Variants in GPC6 observed in about 807,000 individuals in gnomAD.
GPC6 encodes glypican 6.
Under a neutral mutation model 55.2 loss-of-function variants are expected in GPC6, and 14 were observed. The observed-to-expected ratio is 0.25, with a 90% CI of 0.17 to 0.40. GPC6 has a LOEUF of 0.40. GPC6 is among the 10% of genes least tolerant of loss of function. The probability of loss-of-function intolerance (pLI) is 1.00; values close to 1 mark genes in which losing one functional copy is unlikely to be tolerated. For synonymous variants in GPC6, 278 were observed against 259.6 expected (o/e 1.07, Z -0.68); for missense variants, 641 against 708.5 (o/e 0.90, Z 1.08).
chr13:94,029,291 G>A lies in GPC6; in HGVS notation c.877+1397G>A, dbSNP rs151263872. Among the ~76,000 whole-genome samples the A allele has an allele frequency of 1.9e-3, 292 of 152,246 alleles. 1 individual carries two copies. The highest frequency in any genetic ancestry group is 6.2e-3 in the African/African-American group (256 of 41,548). ...CCGTTACCTCTCCCCACAGTGGGAG[G>A]ACAAAATCTCTTTGTATGATCATGA... On this transcript the variant is annotated intron_variant, in intron 4 of 8. Coordinates refer to ENST00000377047, the MANE Select transcript of GPC6 (RefSeq NM_005708.5).
chr13:93,220,660 C>T, the GPC6 span, among the ~76,000 whole-genome samples: 160 of 152,318 alleles, frequency 1.1e-3, 1 homozygote, highest in Non-Finnish European at 1.9e-3. Context: ...CTATGCAATA[C>T]ACTTTCCTAA....
At chr13:93,969,865 C>G (rs971461634) in intron 3 of GPC6, among the ~76,000 whole-genome samples, 3 of 152,048 alleles carry the variant, frequency 2.0e-5, no homozygotes, top group Non-Finnish European at 4.4e-5. Context: ...AACATAATGG[C>G]CTCCAGTTCC....
At chr13:93,595,057 T>C (rs1877665234) in intron 2 of GPC6, among the ~76,000 whole-genome samples, 1 of 152,272 alleles carries the variant, frequency 6.6e-6, no homozygotes, top group East Asian at 1.9e-4. Flanking sequence ...ATATATTGCA[T>C]AGTTTTGACA....
chr13:94,000,828 A>T (rs1881764037), intron 3 of GPC6, among the ~76,000 whole-genome samples: 1 of 152,004 alleles, frequency 6.6e-6, no homozygotes, highest in Non-Finnish European at 1.5e-5. Flanking sequence ...CTGGTGTGGG[A>T]CTCTATAGCT....
chr13:93,329,239 A>C (rs913130305), intron 1 of GPC6, among the ~76,000 whole-genome samples: 1 of 152,108 alleles, frequency 6.6e-6, no homozygotes, highest in Non-Finnish European at 1.5e-5. Flanking sequence ...CCACAGATAA[A>C]ATTTTCTTTC....
intron 4 of GPC6, among the ~76,000 whole-genome samples, chr13:94,066,352 A>T (rs541951967): frequency 5.9e-5 from 9 of 152,290 alleles, no homozygotes; most frequent in Admixed American, 3.3e-4. Context: ...AGTAATTTTC[A>T]TGATTGTTCT....
chr13:93,579,841 C>A (rs938460847), intron 2 of GPC6, among the ~76,000 whole-genome samples: 1 of 152,054 alleles, frequency 6.6e-6, no homozygotes, highest in Admixed American at 6.6e-5. Context: ...AATGATGGAG[C>A]CCCTCACTGT....
At chr13:93,398,322 G>A (rs538391834) in intron 1 of GPC6, among the ~76,000 whole-genome samples, 25 of 152,312 alleles carry the variant, frequency 1.6e-4, no homozygotes, top group African/African-American at 5.8e-4. Flanking sequence ...ATCTGGTCTG[G>A]GATGGAGTGC....
intron 1 of GPC6, among the ~76,000 whole-genome samples, chr13:93,459,075 T>C (rs1198967346): frequency 6.6e-6 from 1 of 152,202 alleles, no homozygotes; most frequent in Non-Finnish European, 1.5e-5. Flanking sequence ...ATTATTATTT[T>C]TGAGACAGGG....
intron 4 of GPC6, among the ~76,000 whole-genome samples, chr13:94,189,336 C>A (rs1889307585): frequency 6.6e-6 from 1 of 152,152 alleles, no homozygotes; most frequent in Non-Finnish European, 1.5e-5. Flanking sequence ...CTTAGCCTGT[C>A]AGCTGAGAAA....
At chr13:93,229,862 T>G (rs1244477033) in intron 1 of GPC6, among the ~76,000 whole-genome samples, 1 of 152,158 alleles carries the variant, frequency 6.6e-6, no homozygotes, top group South Asian at 2.1e-4. Context: ...AAATAATGAA[T>G]TGAAAGATAA....
chr13:93,621,310 G>T (rs1239680557), intron 2 of GPC6, among the ~76,000 whole-genome samples: 1 of 152,192 alleles, frequency 6.6e-6, no homozygotes, highest in Non-Finnish European at 1.5e-5. Flanking sequence ...TTAAAGGGAG[G>T]CTGAGAGAAA....
chr13:93,879,803 G>A (rs9796211), intron 3 of GPC6, among the ~76,000 whole-genome samples: 34,501 of 151,696 alleles, frequency 0.23, 4,550 homozygotes, highest in East Asian at 0.34. Context: ...GAAAATTTTC[G>A]CATCCTACTC....
At chr13:94,107,903 G>C (rs889321534) in intron 4 of GPC6, among the ~76,000 whole-genome samples, 1 of 152,120 alleles carries the variant, frequency 6.6e-6, no homozygotes, top group African/African-American at 2.4e-5. Flanking sequence ...TGTTGGCATG[G>C]ATGCAGTGAA....
At chr13:94,128,991 A>G (rs974429307) in intron 4 of GPC6, among the ~76,000 whole-genome samples, 8 of 152,118 alleles carry the variant, frequency 5.3e-5, no homozygotes, top group African/African-American at 1.2e-4. Flanking sequence ...TTGAACCTCA[A>G]TTTGTTTCAG....
At chr13:93,338,662 G>T (rs1414478866) in intron 1 of GPC6, among the ~76,000 whole-genome samples, 2 of 152,122 alleles carry the variant, frequency 1.3e-5, no homozygotes, top group Non-Finnish European at 2.9e-5. Flanking sequence ...TTAATCATTT[G>T]CTTGTTTGAA....
chr13:93,530,759 T>TA lies in GPC6; in HGVS notation c.161-14503dup, dbSNP rs1327981146. 1.1e-4 allele frequency among the ~76,000 whole-genome samples: 17 copies of TA among 152,188 alleles called. 1 individual carries two copies. Among genetic ancestry groups the TA allele is most frequent in the African/African-American group, 4.1e-4 (17 of 41,444 alleles). On this transcript the variant is annotated intron_variant, in intron 1 of 8. Transcript: ENST00000377047. ...TGTCAGTTTCTAATTATTTTATTAA[T>TA]AGTTATACTCTTGATATCTGTCATA... is the stretch of plus-strand genomic sequence containing the variant.
rs1371962498 is a variant in GPC6, at chr13:93,871,978, C to T, written c.711+41433C>T. Among the ~76,000 whole-genome samples the T allele has an allele frequency of 2.0e-5, 3 of 151,560 alleles. No homozygotes were observed. In the East Asian group the frequency reaches 5.9e-4, roughly 30 times the overall value. The stretch of plus-strand genomic sequence containing the variant: ...TTTCTATTTTTCTAGATAAGAGGCA[C>T]AAAAGAAATAAATAAAACAAGTTTT... On this transcript the variant is annotated intron_variant, in intron 3 of 8. Coordinates refer to ENST00000377047, the MANE Select transcript of GPC6 (RefSeq NM_005708.5).
At chr13:93,417,935 G>A (rs115008266) in intron 1 of GPC6, among the ~76,000 whole-genome samples, 3,049 of 151,976 alleles carry the variant, frequency 0.02, 116 homozygotes, top group African/African-American at 0.069. Context: ...ATTTGTCAAC[G>A]ATTCACTTCT....
Sources: allele counts gnomAD v4.1 joint callset (sites outside exome capture counted in the v4.1 genomes callset), GRCh38; gene constraint gnomAD v4.1.1; transcripts MANE v1.5; gene names NCBI Gene and HGNC (gene_info 2026-07-23, HGNC 2026-07-21).